The following FGF8 variants were observed in gnomAD, a reference collection of about 807,000 sequenced individuals.
FGF8 encodes the protein androgen-induced growth factor.
Under a neutral mutation model 29.7 loss-of-function variants are expected in FGF8, and 12 were observed. The ratio of observed to expected loss-of-function variants is 0.40; its 90% CI spans 0.26 to 0.65. FGF8 has a LOEUF of 0.65. FGF8 is among the 30% of genes least tolerant of loss of function. FGF8 has a pLI of 0.37. For missense variants in FGF8, 271 were observed against 345.1 expected, an observed-to-expected ratio of 0.79 and a Z score of 1.70; for synonymous variants, 157 against 144.4, an observed-to-expected ratio of 1.09 and a Z score of -0.63.
Position 101,775,640 on chromosome 10 carries a change from G to T in FGF8, c.69+100C>A. 2 of 1,391,272 alleles carry T rather than the reference G, an allele frequency of 1.4e-6. No individual in the cohort carries two copies. The highest frequency in any genetic ancestry group is 1.9e-6 in the Non-Finnish European group (2 of 1,026,964). The allele number at this position is 1,391,272 out of a possible 1,614,324, so 86.2% of individuals were successfully genotyped here. A position where few individuals can be genotyped will look rare whatever the true frequency, so the allele number is the denominator to read the frequency against. ...TTTCTAAGGTGCCCTCAGCCCTCCC[G>T]CGCCGGCCGCAGAGTCAGTCCCGGT... On this transcript the variant is annotated intron_variant, in intron 2 of 5. Transcript: ENST00000320185. This position sits in a 1 kb window ranked among gnomAD's most constrained non-coding sequence, Gnocchi z 4.6.
At position 101,775,366 on chromosome 10, in the gene FGF8, GC is replaced by G. The variant is rs1564632714; in HGVS notation, c.70-151del. The G allele has an allele frequency of 1.5e-6, 1 of 656,136 alleles. No homozygotes were observed. Among genetic ancestry groups the G allele is most frequent in the East Asian group, 2.7e-5 (1 of 36,562 alleles). 40.6% of individuals were successfully genotyped at this position (656,136 alleles called of 1,614,324 possible). A position where few individuals can be genotyped will look rare whatever the true frequency, so the allele number is the denominator to read the frequency against. Reference sequence around the variant, plus strand: ...ATCGGCCACAAGCCTCCCCCGAGGGGCGCTGAGAGGGTCTCTGCTGCAGTCA... The same window carrying G: ...ATCGGCCACAAGCCTCCCCCGAGGGGGCTGAGAGGGTCTCTGCTGCAGTCA... On this transcript the variant is annotated intron_variant, in intron 2 of 5. Transcript: ENST00000320185. This position sits in a 1 kb window ranked among gnomAD's most constrained non-coding sequence, Gnocchi z 4.6.
intron 4 of FGF8, among the ~76,000 whole-genome samples, chr10:101,773,605 C>T (rs933769410): frequency 1.1e-4 from 17 of 152,132 alleles, no homozygotes; most frequent in Middle Eastern, 3.2e-3. Context: ...ACAGATTTAT[C>T]CCAGGAAAAT....
rs1018981449 is a variant in FGF8, at chr10:101,771,224, C to T, written c.444+239G>A. The stretch of plus-strand genomic sequence containing the variant: ...AAAGATATATGGAATTTACCAACCA[C>T]CACCCCCCAGCCCCTTCCCTAGCCT... On this transcript the variant is annotated intron_variant, in intron 5 of 5. Transcript: ENST00000320185. The surrounding 1 kb of genome is among the most constrained non-coding windows in gnomAD (Gnocchi z 5.3). Among the ~76,000 whole-genome samples the T allele has an allele frequency of 6.6e-6, 1 of 152,184 alleles. No individual in the cohort carries two copies. The highest frequency in any genetic ancestry group is 1.5e-5 in the Non-Finnish European group (1 of 68,030).
Position 101,771,419 on chromosome 10 carries a change from A to C in FGF8, c.444+44T>G. The stretch of plus-strand genomic sequence containing the variant: ...TGGAGGAGTCCAGCCAGCCCAAGCC[A>C]CTCCCTAGGTCCCGCGGACCCCACC... On this transcript the variant is annotated intron_variant, in intron 5 of 5. Coordinates refer to ENST00000320185, the MANE Select transcript of FGF8 (RefSeq NM_033163.5). The surrounding 1 kb of genome is among the most constrained non-coding windows in gnomAD (Gnocchi z 5.3). 6.8e-7 allele frequency: 1 copy of C among 1,474,974 alleles called. No homozygotes were observed. Among genetic ancestry groups the C allele is most frequent in the Non-Finnish European group, 9.5e-7 (1 of 1,054,232 alleles). The allele number at this position is 1,474,974 out of a possible 1,614,324, so 91.4% of individuals were successfully genotyped here.
In FGF8 at chr10:101,775,794, G is replaced by A. The variant is rs1192834743; in HGVS notation, c.33-18C>T. 6 of 1,541,414 alleles carry A rather than the reference G, an allele frequency of 3.9e-6. No individual in the cohort carries two copies. The highest frequency in any genetic ancestry group is 5.2e-6 in the Non-Finnish European group (6 of 1,144,504). On this transcript the variant is annotated intron_variant, in intron 1 of 5. Transcript: ENST00000320185. This position sits in a 1 kb window ranked among gnomAD's most constrained non-coding sequence, Gnocchi z 4.6. The stretch of plus-strand genomic sequence containing the variant: ...GCAACAGCCTGTGGGAGACAAAAGC[G>A]GGCGGGAGAGAGAGGCGCGGGTGAG...
rs755844371 is a variant in FGF8, at chr10:101,774,697, C to G, written c.337+35G>C. 2.0e-5 allele frequency: 31 copies of G among 1,584,032 alleles called. No homozygotes were observed. The South Asian group carries it at 2.8e-4, about 14-fold the overall frequency. On this transcript the variant is annotated intron_variant, in intron 4 of 5. Coordinates refer to ENST00000320185, the MANE Select transcript of FGF8 (RefSeq NM_033163.5). ...CAGTTGGGACTGGTGGTCCAGGCGC[C>G]GCGCATCCCACAAGCTACCTTCAGC...
upstream of FGF8, among the ~76,000 whole-genome samples, chr10:101,777,650 T>C (rs1337259942): frequency 6.6e-6 from 1 of 152,262 alleles, no homozygotes; most frequent in Admixed American, 6.5e-5. Flanking sequence ...GTCTGTTCAG[T>C]GGGCTCTTGC....
rs2065033269 is a variant in FGF8, at chr10:101,771,946, A to G, written c.338-377T>C. Among the ~76,000 whole-genome samples, 1 of 152,254 alleles carries G rather than the reference A, an allele frequency of 6.6e-6. No homozygotes were observed. The highest frequency in any genetic ancestry group is 6.5e-5 in the Admixed American group (1 of 15,286). On this transcript the variant is annotated intron_variant, in intron 4 of 5. Coordinates refer to ENST00000320185, the MANE Select transcript of FGF8 (RefSeq NM_033163.5). This position sits in a 1 kb window ranked among gnomAD's most constrained non-coding sequence, Gnocchi z 5.3. ...TGAATCAGAGTTCCATAGCTAATCA[A>G]AAGATCTCCGAGGATCCTTCCAACT...
At chr10:101,770,709 G>T in intron 5 of FGF8, 90 bp from the exon 6 acceptor site, 1 of 1,443,192 alleles carries the variant, frequency 6.9e-7, no homozygotes, top group Non-Finnish European at 9.6e-7. Flanking sequence ...GGGCACCCCA[G>T]CAGATGGCGA....
Position 101,775,197 on chromosome 10 carries a change from G to A in FGF8, c.89C>T (p.Pro30Leu), listed in dbSNP as rs1413742406. The change falls in exon 3 of 6, where the codon CCT becomes CTT. Residue 30 changes from proline (P) to leucine (L), a missense_variant. Physicochemically the swap from Pro to Leu is moderately conservative, Grantham distance 98. Transcript: ENST00000320185. The surrounding 1 kb of genome is among the most constrained non-coding windows in gnomAD (Gnocchi z 4.6). ...LQAQEGPGRG[P>L]ALGRELASLF... is the part of the protein sequence containing the mutation. ...GGAAGCGAGCTCCCTGCCCAGCGCA[G>A]GGCCCCTGCCCGGGCCTTCCTAGAG... is the stretch of plus-strand genomic sequence containing the variant. The A allele has an allele frequency of 6.5e-7, 1 of 1,547,746 alleles. No homozygotes were observed. The highest frequency in any genetic ancestry group is 2.0e-5 in the Admixed American group (1 of 50,988).
Position 101,775,960 on chromosome 10 carries a change from G to C in FGF8, c.-60C>G, listed in dbSNP as rs1177910481. 18 of 1,116,340 alleles carry C rather than the reference G, an allele frequency of 1.6e-5. No homozygotes were observed. The highest frequency in any genetic ancestry group is 1.8e-5 in the Non-Finnish European group (16 of 906,088). The allele number at this position is 1,116,340 out of a possible 1,614,324, so 69.2% of individuals were successfully genotyped here. A position where few individuals can be genotyped will look rare whatever the true frequency, so the allele number is the denominator to read the frequency against. Reference sequence around the variant, plus strand: ...GTCACGCCGTCCCGCGGGCCGCCGCGGGAGGACGCGCTGAGCAGGGCGCGA... The same window carrying C: ...GTCACGCCGTCCCGCGGGCCGCCGCCGGAGGACGCGCTGAGCAGGGCGCGA... On this transcript the variant is annotated 5_prime_UTR_variant, in exon 1 of 6. Coordinates refer to ENST00000320185, the MANE Select transcript of FGF8 (RefSeq NM_033163.5). This position sits in a 1 kb window ranked among gnomAD's most constrained non-coding sequence, Gnocchi z 4.6.
In FGF8 at chr10:101,775,797, C is replaced by T; in HGVS notation, c.33-21G>A. 1 of 1,539,498 alleles carries T rather than the reference C, an allele frequency of 6.5e-7. No homozygotes were observed. The highest frequency in any genetic ancestry group is 8.7e-7 in the Non-Finnish European group (1 of 1,143,592). On this transcript the variant is annotated intron_variant, in intron 1 of 5. Transcript: ENST00000320185. The surrounding 1 kb of genome is among the most constrained non-coding windows in gnomAD (Gnocchi z 4.6). ...ACAGCCTGTGGGAGACAAAAGCGGGCGGGAGAGAGAGGCGCGGGTGAGGCG... is the reference window on the plus strand; with the variant it reads ...ACAGCCTGTGGGAGACAAAAGCGGGTGGGAGAGAGAGGCGCGGGTGAGGCG...
chr10:101,774,034 A>G (rs1469148011), intron 4 of FGF8, among the ~76,000 whole-genome samples: 2 of 152,234 alleles, frequency 1.3e-5, no homozygotes, highest in Non-Finnish European at 2.9e-5. Flanking sequence ...ATCGCTCTCT[A>G]AAAACAACAC....
Position 101,775,705 on chromosome 10 carries a change from G to T in FGF8, c.69+35C>A. The T allele has an allele frequency of 1.3e-6, 2 of 1,540,238 alleles. No homozygotes were observed. Among genetic ancestry groups the T allele is most frequent in the Non-Finnish European group, 1.7e-6 (2 of 1,144,444 alleles). Reference sequence around the variant, plus strand: ...CTGCCCACCCGGGTCTCACACCGGCGCGCCCGGCCCCCGCCTCCGCGCACC... The same window carrying T: ...CTGCCCACCCGGGTCTCACACCGGCTCGCCCGGCCCCCGCCTCCGCGCACC... On this transcript the variant is annotated intron_variant, in intron 2 of 5. Transcript: ENST00000320185. This position sits in a 1 kb window ranked among gnomAD's most constrained non-coding sequence, Gnocchi z 4.6.
upstream of FGF8, among the ~76,000 whole-genome samples, chr10:101,778,522 C>T (rs2065115176): frequency 6.6e-6 from 1 of 152,244 alleles, no homozygotes; most frequent in South Asian, 2.1e-4. Flanking sequence ...AGAAGATGGG[C>T]GTCCTGGGAT....
rs1338644828 is a variant in FGF8, at chr10:101,770,164, A to AAAC, written c.*164_*165insGTT. 9.5e-5 allele frequency: 51 copies of AAAC among 537,620 alleles called. No individual in the cohort carries two copies. The African/African-American group carries it at 9.6e-4, about 10-fold the overall frequency. The allele number at this position is 537,620 out of a possible 1,614,324, so 33.3% of individuals were successfully genotyped here. On this transcript the variant is annotated 3_prime_UTR_variant, in exon 6 of 6. Coordinates refer to ENST00000320185, the MANE Select transcript of FGF8 (RefSeq NM_033163.5). ...TTTAAAAAAAAAAAAAAAAAAAAAA[A>AAAC]CAGCAAAAACCCAACAGCAAACAAT... is the stretch of plus-strand genomic sequence containing the variant.
chr10:101,775,651 A>T lies in FGF8; in HGVS notation c.69+89T>A, dbSNP rs1437235707. ...CCCTCAGCCCTCCCGCGCCGGCCGC[A>T]GAGTCAGTCCCGGTGCCCCCGACCG... On this transcript the variant is annotated intron_variant, in intron 2 of 5. Coordinates refer to ENST00000320185, the MANE Select transcript of FGF8 (RefSeq NM_033163.5). The surrounding 1 kb of genome is among the most constrained non-coding windows in gnomAD (Gnocchi z 4.6). 1.0e-5 allele frequency: 15 copies of T among 1,445,396 alleles called. No individual in the cohort carries two copies. The highest frequency in any genetic ancestry group is 1.2e-5 in the Non-Finnish European group (13 of 1,070,820). The allele number at this position is 1,445,396 out of a possible 1,614,324, so 89.5% of individuals were successfully genotyped here. A position where few individuals can be genotyped will look rare whatever the true frequency, so the allele number is the denominator to read the frequency against.
rs1475308417 is a variant in FGF8 at position 101,770,154 on chromosome 10, A to AC, written c.*174_*175insG. The AC allele has an allele frequency of 1.8e-6, 1 of 550,874 alleles. No homozygotes were observed. The highest frequency in any genetic ancestry group is 3.1e-6 in the Non-Finnish European group (1 of 323,146). 34.1% of individuals were successfully genotyped at this position (550,874 alleles called of 1,614,324 possible). On this transcript the variant is annotated 3_prime_UTR_variant, in exon 6 of 6. Transcript: ENST00000320185. ...TCTCTTTTGTTTTAAAAAAAAAAAA[A>AC]AAAAAAAAAACAGCAAAAACCCAAC...
chr10:101,779,699 C>A (rs1420560594), upstream of FGF8, among the ~76,000 whole-genome samples: 1 of 152,046 alleles, frequency 6.6e-6, no homozygotes, highest in Non-Finnish European at 1.5e-5. This position sits in a 1 kb window ranked among gnomAD's most constrained non-coding sequence, Gnocchi z 5.7. Flanking sequence ...GGGGCGGAGC[C>A]GCGCAGGGGG....
Sources: allele counts gnomAD v4.1 joint callset (sites outside exome capture counted in the v4.1 genomes callset), GRCh38; gene constraint gnomAD v4.1.1; non-coding constraint Gnocchi (gnomAD v3.1); transcripts MANE v1.5; gene names NCBI Gene and HGNC (gene_info 2026-07-23, HGNC 2026-07-21).